Variants in MMAA observed in about 807,000 individuals in gnomAD.
The protein encoded by MMAA is methylmalonic aciduria type A protein, mitochondrial.
Under a neutral mutation model 45.0 loss-of-function variants are expected in MMAA, and 41 were observed. The observed-to-expected ratio is 0.91, with a 90% confidence interval of 0.71 to 1.18. The LOEUF (loss-of-function observed/expected upper bound fraction) is 1.18. Among genes scored for constraint, MMAA ranks in the 50% most tolerant of loss-of-function variants. The pLI is 0.00. For synonymous variants in MMAA, 154 were observed against 178.2 expected, an observed-to-expected ratio of 0.86 and a Z score of 1.08; for missense variants, 460 against 495.7, an observed-to-expected ratio of 0.93 and a Z score of 0.68.
chr4:145,630,353 T>C (rs540704792), intron 1 of MMAA, among the ~76,000 whole-genome samples: 20 of 152,318 alleles, frequency 1.3e-4, no homozygotes, highest in Admixed American at 1.2e-3. Flanking sequence ...AATGTCTCCT[T>C]TTTCATCTCT....
chr4:145,619,597 A>G (rs1201868060), intron 1 of MMAA, among the ~76,000 whole-genome samples, 190 bp downstream of exon 1: 1 of 152,226 alleles, frequency 6.6e-6, no homozygotes, highest in Non-Finnish European at 1.5e-5. Flanking sequence ...ATGTGTGGAC[A>G]GGCAGGAGTC....
Position 145,639,297 on chromosome 4 carries a change from A to G in MMAA, c.158A>G (p.Lys53Arg). The change falls in exon 2 of 7, where the codon AAG becomes AGG. Residue 53 changes from lysine to arginine, a missense_variant. Lys to Arg is a conservative substitution (Grantham distance 26). Transcript: ENST00000649156. ...PFNSLGLHCT[K>R]WMLLSDGLKR... ...AATTCTCTTGGACTCCATTGTACAA[A>G]GTGGATGCTGCTGTCAGATGGCTTA... 6.2e-7 allele frequency: 1 copy of G among 1,614,198 alleles called. No individual in the cohort carries two copies. The highest frequency in any genetic ancestry group is 8.5e-7 in the Non-Finnish European group (1 of 1,180,036).
rs143228549 is a variant in MMAA at position 145,625,128 on chromosome 4, C to T, written c.-66+5721C>T. ...ACTAGCCAATCTGATAGGTTCATCT[C>T]ATCTCGATCAGGAAGCTCTAGATCT... On this transcript the variant is annotated intron_variant, in intron 1 of 6. Coordinates refer to ENST00000649156, the MANE Select transcript of MMAA (RefSeq NM_172250.3). The T allele has an allele frequency of 2.6e-3, 3,074 of 1,161,200 alleles. 76 individuals are homozygous for T. The South Asian group carries it at 0.034, about 13-fold the overall frequency. The allele number at this position is 1,161,200 out of a possible 1,614,324, so 71.9% of individuals were successfully genotyped here. A position where few individuals can be genotyped will look rare whatever the true frequency, so the allele number is the denominator to read the frequency against.
chr4:145,632,272 A>G (rs1409283351), intron 1 of MMAA, among the ~76,000 whole-genome samples: 1 of 152,186 alleles, frequency 6.6e-6, no homozygotes, highest in Non-Finnish European at 1.5e-5. Context: ...TGGATATACT[A>G]TTCTAGTGTA....
intron 1 of MMAA, among the ~76,000 whole-genome samples, chr4:145,621,435 A>G (rs1734085412): frequency 6.6e-6 from 1 of 152,230 alleles, no homozygotes; most frequent in African/African-American, 2.4e-5. Context: ...AGAACTTTAG[A>G]GAATCCCTTC....
intron 4 of MMAA, chr4:145,646,676 C>T (rs999381430): frequency 1.2e-5 from 2 of 161,580 alleles, no homozygotes; most frequent in African/African-American, 4.8e-5. Flanking sequence ...TGTGATACAG[C>T]CTAACTCAGA....
intron 2 of MMAA, among the ~76,000 whole-genome samples, chr4:145,640,612 A>C (rs561919005): frequency 9.3e-5 from 14 of 151,094 alleles, no homozygotes; most frequent in Admixed American, 8.6e-4. Context: ...ACCTTGGCCT[A>C]CCAAAGTGCT....
Position 145,655,634 on chromosome 4 carries a change from T to C in MMAA, c.*200T>C, listed in dbSNP as rs1578889159. 3.7e-6 allele frequency: 2 copies of C among 535,030 alleles called. No homozygotes were observed. The highest frequency in any genetic ancestry group is 3.5e-5 in the Admixed American group (1 of 28,862). The allele number at this position is 535,030 out of a possible 1,614,324, so 33.1% of individuals were successfully genotyped here. On this transcript the variant is annotated 3_prime_UTR_variant, in exon 7 of 7. Coordinates refer to ENST00000649156, the MANE Select transcript of MMAA (RefSeq NM_172250.3). ...GTATTTATAAGGTACCTGTTTTATGTTACTGATATCTGTTTCCTTCTCTTC... is the reference window on the plus strand; with the variant it reads ...GTATTTATAAGGTACCTGTTTTATGCTACTGATATCTGTTTCCTTCTCTTC...
rs1727918785 is a variant in MMAA at position 145,645,991 on chromosome 4, C to T, written c.568C>T (p.Leu190Phe). ...DPSSCTSGGSLLGDKTRMTEL... is the reference protein window; with the variant it reads ...DPSSCTSGGSFLGDKTRMTEL... Reference sequence around the variant, plus strand: ...AATGTAACTGTATGTTTTAGGATCACTCTTAGGTGATAAAACCCGAATGAC... The same window carrying T: ...AATGTAACTGTATGTTTTAGGATCATTCTTAGGTGATAAAACCCGAATGAC... Residue 190 changes from leucine to phenylalanine, a missense_variant, in exon 4 of 7, where the codon CTC becomes TTC. Transcript: ENST00000649156. 1 of 1,613,792 alleles carries T rather than the reference C, an allele frequency of 6.2e-7. No homozygotes were observed. The highest frequency in any genetic ancestry group is 1.7e-5 in the Admixed American group (1 of 59,996).
chr4:145,654,876 TTAAAA>T (rs1728183869), intron 6 of MMAA, among the ~76,000 whole-genome samples: 1 of 152,174 alleles, frequency 6.6e-6, no homozygotes, highest in African/African-American at 2.4e-5. Flanking sequence ...ATCTGAGCAA[TTAAAA>T]TAAAATAAAT....
chr4:145,621,600 G>T (rs78141173), intron 1 of MMAA, among the ~76,000 whole-genome samples: 1 of 152,162 alleles, frequency 6.6e-6, no homozygotes, highest in Non-Finnish European at 1.5e-5. Context: ...GTTGGGGGGG[G>T]TGGAATATGG....
chr4:145,644,636 A>G (rs2126621681), intron 3 of MMAA, among the ~76,000 whole-genome samples: 2 of 152,370 alleles, frequency 1.3e-5, no homozygotes, highest in Middle Eastern at 6.8e-3. Context: ...ATATTATACT[A>G]CAATGAAAAC....
chr4:145,635,279 G>A (rs1039601399), intron 1 of MMAA, among the ~76,000 whole-genome samples: 2 of 152,138 alleles, frequency 1.3e-5, no homozygotes, highest in Non-Finnish European at 2.9e-5. Context: ...AGGCCTCTCT[G>A]GCTGGTTTAG....
rs766651356 is a variant in MMAA, at chr4:145,639,137, A to C, written c.-3A>C. On this transcript the variant is annotated 5_prime_UTR_variant, in exon 2 of 7. Coordinates refer to ENST00000649156, the MANE Select transcript of MMAA (RefSeq NM_172250.3). Reference sequence around the variant, plus strand: ...GTTTTCTCCAGTTACAAATAAAACGAATATGCCCATGCTGCTACCACATCC... The same window carrying C: ...GTTTTCTCCAGTTACAAATAAAACGCATATGCCCATGCTGCTACCACATCC... 6.2e-7 allele frequency: 1 copy of C among 1,614,190 alleles called. No homozygotes were observed. Among genetic ancestry groups the C allele is most frequent in the Non-Finnish European group, 8.5e-7 (1 of 1,180,012 alleles).
intron 1 of MMAA, among the ~76,000 whole-genome samples, chr4:145,630,622 G>C (rs903319440): frequency 6.6e-6 from 1 of 152,172 alleles, no homozygotes; most frequent in African/African-American, 2.4e-5. Context: ...CAGCTACTTG[G>C]GGGGCTGAGG....
At chr4:145,622,578 T>G (rs1157862321) in intron 1 of MMAA, among the ~76,000 whole-genome samples, 1 of 152,214 alleles carries the variant, frequency 6.6e-6, no homozygotes, top group African/African-American at 2.4e-5. Context: ...GTTGAAACAT[T>G]TTGATTTGAT....
rs1450165354 is a variant in MMAA at position 145,657,558 on chromosome 4, TTATC to T, written c.*2126_*2129del. ...TTTTTCTCTATGTGCAGTAGTTTCT[TTATC>T]TGTAAAATTAAGATAATAGCTACTT... On this transcript the variant is annotated 3_prime_UTR_variant, in exon 7 of 7. Coordinates refer to ENST00000649156, the MANE Select transcript of MMAA (RefSeq NM_172250.3). 1 of 152,200 alleles carries T rather than the reference TTATC, an allele frequency of 6.6e-6. No homozygotes were observed. The highest frequency in any genetic ancestry group is 1.5e-5 in the Non-Finnish European group (1 of 68,030). 9.4% of individuals were successfully genotyped at this position (152,200 alleles called of 1,614,324 possible). A position where few individuals can be genotyped will look rare whatever the true frequency, so the allele number is the denominator to read the frequency against.
chr4:145,633,177 G>C (rs544368401), intron 1 of MMAA, among the ~76,000 whole-genome samples: 1 of 143,020 alleles, frequency 7.0e-6, no homozygotes, highest in African/African-American at 2.6e-5. Flanking sequence ...CTTTCTTGTG[G>C]TATCTTGAAT....
At chr4:145,650,085 G>C (rs908790778) in intron 4 of MMAA, among the ~76,000 whole-genome samples, 3 of 152,216 alleles carry the variant, frequency 2.0e-5, no homozygotes, top group Non-Finnish European at 4.4e-5. Context: ...TTTAATAAAA[G>C]TGAGAAACGT....
Sources: gnomAD v4.1 joint callset for allele counts (sites outside exome capture counted in the v4.1 genomes callset) on GRCh38, gnomAD v4.1.1 for gene constraint, MANE v1.5 for transcripts, NCBI Gene and HGNC (gene_info 2026-07-23, HGNC 2026-07-21) for gene names.